C9: variants seen among roughly 807,000 people sequenced by gnomAD.
C9 encodes the protein complement component C9.
Under a neutral mutation model 65.4 loss-of-function variants are expected in C9, and 63 were observed. That is an observed-to-expected ratio of 0.96 (90% CI 0.79 to 1.19). The LOEUF (loss-of-function observed/expected upper bound fraction) is 1.19. Ranked by LOEUF, C9 falls within the 50% of genes most tolerant of loss-of-function variation. C9 has a pLI of 0.00. For missense variants in C9, 744 were observed against 670.1 expected, an observed-to-expected ratio of 1.11 and a Z score of -1.22; for synonymous variants, 229 against 227.9, an observed-to-expected ratio of 1.00 and a Z score of -0.04.
At chr5:39,290,496 C>CA (rs555486193) in intron 9 of C9, among the ~76,000 whole-genome samples, 29 of 151,354 alleles carry the variant, frequency 1.9e-4, no homozygotes, top group African/African-American at 5.1e-4. Flanking sequence ...AAAAACAAAC[C>CA]AAAAAAACCC....
chr5:39,329,221 A>G (rs1753803050), intron 5 of C9, among the ~76,000 whole-genome samples: 1 of 152,180 alleles, frequency 6.6e-6, no homozygotes. Flanking sequence ...CTGCTAATTT[A>G]TAAAGTGGTC....
intron 6 of C9, among the ~76,000 whole-genome samples, chr5:39,315,281 G>A (rs1753550460): frequency 6.6e-6 from 1 of 151,954 alleles, no homozygotes; most frequent in South Asian, 2.1e-4. Context: ...TCAAAATCTG[G>A]TTCAAATATT....
intron 5 of C9, among the ~76,000 whole-genome samples, chr5:39,323,139 CAAT>C (rs1387798755): frequency 6.6e-6 from 1 of 151,792 alleles, no homozygotes; most frequent in Non-Finnish European, 1.5e-5. Context: ...AAATGCAGAC[CAAT>C]AATGATTAAA....
chr5:39,306,557 A>G (rs1753380231), intron 9 of C9, 60 bp downstream of exon 9: 2 of 1,299,596 alleles, frequency 1.5e-6, no homozygotes, highest in East Asian at 2.3e-5. Context: ...ACCTGAAACA[A>G]TGTGACATTT....
intron 4 of C9, among the ~76,000 whole-genome samples, chr5:39,332,516 G>A (rs899178307): frequency 1.3e-5 from 2 of 152,110 alleles, no homozygotes; most frequent in African/African-American, 4.8e-5. Flanking sequence ...AATTTTACTT[G>A]TAGGCTTAGA....
At chr5:39,322,091 G>A (rs559514740) in intron 5 of C9, among the ~76,000 whole-genome samples, 20 of 151,904 alleles carry the variant, frequency 1.3e-4, no homozygotes, top group South Asian at 1.2e-3. Flanking sequence ...TGGACAGATC[G>A]TATATTAGGC....
intron 9 of C9, among the ~76,000 whole-genome samples, chr5:39,290,203 G>T (rs1389810521): frequency 6.6e-6 from 1 of 151,830 alleles, no homozygotes; most frequent in East Asian, 1.9e-4. Context: ...GATAGAAGGG[G>T]TAAGTTCAGA....
intron 3 of C9, 98 bp from the exon 4 acceptor site, chr5:39,341,391 T>C (rs1269878308): frequency 6.7e-7 from 1 of 1,488,414 alleles, no homozygotes; most frequent in African/African-American, 1.4e-5. Flanking sequence ...AGGTGAGGTA[T>C]CAGAAAAACA....
intron 1 of C9, 99 bp downstream of exon 1, chr5:39,364,289 T>C: frequency 1.3e-6 from 1 of 746,614 alleles, no homozygotes; most frequent in East Asian, 2.5e-5. Context: ...TATATTGCCA[T>C]GTGGATTAAC....
chr5:39,341,006 G>T, intron 4 of C9, 140 bp downstream of exon 4: 1 of 955,368 alleles, frequency 1.0e-6, no homozygotes, highest in Admixed American at 1.9e-5. Flanking sequence ...AAGCTTAAAG[G>T]TAGTTCAAAA....
chr5:39,363,696 T>C (rs1754563299), intron 1 of C9, among the ~76,000 whole-genome samples: 1 of 152,222 alleles, frequency 6.6e-6, no homozygotes, highest in African/African-American at 2.4e-5. Context: ...CCACCATTTC[T>C]AGGTACAGTG....
At chr5:39,310,222 C>T (rs867943152) in intron 7 of C9, among the ~76,000 whole-genome samples, 5 of 152,036 alleles carry the variant, frequency 3.3e-5, no homozygotes, top group Non-Finnish European at 7.4e-5. Context: ...TACATTCCAC[C>T]CTTCACTTAA....
rs536274066 is a variant in C9, at chr5:39,340,415, A to G, written c.476+731T>C. Among the ~76,000 whole-genome samples the G allele has an allele frequency of 2.0e-5, 3 of 151,078 alleles. No individual in the cohort carries two copies. In the South Asian group the frequency reaches 6.2e-4, roughly 31 times the overall value. On this transcript the variant is annotated intron_variant, in intron 4 of 10. Coordinates refer to ENST00000263408, the MANE Select transcript of C9 (RefSeq NM_001737.5). ...TACCAAAAACAGCTCAGAGTGAGTA[A>G]GAGAGGCTGTGTAGTAGATATTCCT...
At chr5:39,297,725 TG>T (rs1753210563) in intron 9 of C9, among the ~76,000 whole-genome samples, 1 of 151,658 alleles carries the variant, frequency 6.6e-6, no homozygotes, top group Non-Finnish European at 1.5e-5. Flanking sequence ...AAGCTCAAAC[TG>T]ATAGAACTGA....
At chr5:39,352,119 A>G (rs915655525) in intron 1 of C9, among the ~76,000 whole-genome samples, 3 of 152,206 alleles carry the variant, frequency 2.0e-5, no homozygotes, top group African/African-American at 7.2e-5. Context: ...TAGTGGCAGG[A>G]GACAGAGAGT....
intron 1 of C9, among the ~76,000 whole-genome samples, chr5:39,358,916 C>T (rs1202320323): frequency 4.6e-5 from 7 of 150,754 alleles, no homozygotes; most frequent in Admixed American, 6.6e-5. Flanking sequence ...ACCCGGGAGG[C>T]GGAGCTTACA....
intron 4 of C9, among the ~76,000 whole-genome samples, chr5:39,333,616 T>TGGTTTCCCCTCTCCCTCTCTTTCCAC (rs1561347167): frequency 1.4e-5 from 2 of 138,146 alleles, no homozygotes; most frequent in African/African-American, 5.2e-5. Flanking sequence ...CCCCTTTCCA[T>TGGTTTCCCCTCTCCCTCTCTTTCCAC]GGTCTCCCCT....
At chr5:39,351,007 T>TTTC (rs1754312250) in intron 1 of C9, among the ~76,000 whole-genome samples, 1 of 152,158 alleles carries the variant, frequency 6.6e-6, no homozygotes, top group Non-Finnish European at 1.5e-5. Flanking sequence ...CATCCAGGCA[T>TTTC]TTCTATACAT....
At chr5:39,337,362 A>G (rs1475537065) in intron 4 of C9, among the ~76,000 whole-genome samples, 1 of 152,238 alleles carries the variant, frequency 6.6e-6, no homozygotes, top group Non-Finnish European at 1.5e-5. Flanking sequence ...GTTGATCCAC[A>G]GTCTAAAGCA....
Sources: allele counts gnomAD v4.1 joint callset (sites outside exome capture counted in the v4.1 genomes callset), GRCh38; gene constraint gnomAD v4.1.1; transcripts MANE v1.5; gene names NCBI Gene and HGNC (gene_info 2026-07-23, HGNC 2026-07-21).